The following CHST6 variants were observed in gnomAD, a reference collection of about 807,000 sequenced individuals.
CHST6 encodes the protein N-acetylglucosamine 6-O-sulfotransferase 5.
For synonymous variants in CHST6, 309 were observed against 276.4 expected, an observed-to-expected ratio of 1.12 and a Z score of -1.17; for missense variants, 698 against 586.2, an observed-to-expected ratio of 1.19 and a Z score of -1.97.
intron 1 of CHST6, among the ~76,000 whole-genome samples, chr16:75,490,023 C>T (rs554006709): frequency 7.2e-6 from 1 of 139,308 alleles, no homozygotes; most frequent in African/African-American, 2.7e-5. Context: ...CTAAAAATAC[C>T]AAAAACTAGC....
At position 75,493,512 on chromosome 16, in the gene CHST6, G is replaced by A. The variant is rs536433693; in HGVS notation, c.-92+1428C>T. Among the ~76,000 whole-genome samples the A allele has an allele frequency of 7.6e-5, 10 of 131,840 alleles. No individual in the cohort carries two copies. The South Asian group carries it at 2.1e-3, about 28-fold the overall frequency. 86.5% of individuals were successfully genotyped at this position (131,840 alleles called of 152,430 possible). Reference sequence around the variant, plus strand: ...AGCCTCGGTGACAGAGCGAGACTCCGTATCAAAAAAAAAAAAAAAAATCTG... The same window carrying A: ...AGCCTCGGTGACAGAGCGAGACTCCATATCAAAAAAAAAAAAAAAAATCTG... On this transcript the variant is annotated intron_variant, in intron 1 of 2. Coordinates refer to ENST00000332272, the MANE Select transcript of CHST6 (RefSeq NM_021615.5).
At chr16:75,491,173 AAAAAAAAAAAAAAAAAAAT>A (rs1347673906) in intron 1 of CHST6, among the ~76,000 whole-genome samples, 42 of 80,200 alleles carry the variant, frequency 5.2e-4, no homozygotes, top group South Asian at 3.2e-3. Flanking sequence ...CTTAAAAAAA[AAAAAAAAAAAAAAAAAAAT>A]ATATATATAT....
At chr16:75,493,797 C>A (rs1391333340) in intron 1 of CHST6, among the ~76,000 whole-genome samples, 1 of 151,810 alleles carries the variant, frequency 6.6e-6, no homozygotes, top group Non-Finnish European at 1.5e-5. Context: ...AGACAGGGTC[C>A]CCACAAGGGC....
rs1555501738 is a variant in CHST6 at position 75,491,190 on chromosome 16, A to AATATATATATATAT, written c.-92+3736_-92+3749dup. Among the ~76,000 whole-genome samples, 140 of 50,006 alleles carry AATATATATATATAT rather than the reference A, an allele frequency of 2.8e-3. 1 individual carries two copies. The highest frequency in any genetic ancestry group is 3.3e-3 in the Non-Finnish European group (111 of 33,312). The allele number at this position is 50,006 out of a possible 152,430, so 32.8% of individuals were successfully genotyped here. A position where few individuals can be genotyped will look rare whatever the true frequency, so the allele number is the denominator to read the frequency against. ...TAAAAAAAAAAAAAAAAAAAAAAAAAATATATATATATATATATATATATA... is the reference window on the plus strand; with the variant it reads ...TAAAAAAAAAAAAAAAAAAAAAAAAAATATATATATATATATATATATATATATATATATATATA... On this transcript the variant is annotated intron_variant, in intron 1 of 2. Transcript: ENST00000332272.
intron 2 of CHST6, 103 bp from the exon 3 acceptor site, chr16:75,479,947 G>C (rs2080121597): frequency 1.0e-6 from 1 of 961,850 alleles, no homozygotes; most frequent in Non-Finnish European, 1.5e-6. Flanking sequence ...CCAGACCCGA[G>C]CATCCCATGA....
chr16:75,481,261 G>A (rs1272400732), intron 2 of CHST6, among the ~76,000 whole-genome samples: 2 of 152,060 alleles, frequency 1.3e-5, no homozygotes, highest in African/African-American at 4.8e-5. Context: ...GGGCGATAGA[G>A]TGAGACTCTG....
In CHST6 at chr16:75,478,849, AG is replaced by A. The variant is rs1318230444; in HGVS notation, c.979del (p.Leu327SerfsTer54). ...EAFKTSSRNA[L>X]NVSQAWRHAL... ...ATGGCGCCAGGCCTGGGAGACGTTG[AG>A]CGCATTCCTGGACGAAGTCTTGAAG... On this transcript the variant is annotated frameshift_variant, in exon 3 of 3. Transcript: ENST00000332272. LOFTEE classifies it low-confidence loss of function (END_TRUNC). 1 of 1,613,460 alleles carries A rather than the reference AG, an allele frequency of 6.2e-7. No individual in the cohort carries two copies. The highest frequency in any genetic ancestry group is 1.7e-5 in the Admixed American group (1 of 60,034).
chr16:75,491,190 A>AAAAAATATATATATAT (rs1206595857), intron 1 of CHST6, among the ~76,000 whole-genome samples: 13 of 50,082 alleles, frequency 2.6e-4, no homozygotes, highest in Non-Finnish European at 3.6e-4. Context: ...AAAAAAAAAA[A>AAAAAATATATATATAT]ATATATATAT....
intron 1 of CHST6, among the ~76,000 whole-genome samples, chr16:75,482,607 C>G (rs147260547): frequency 6.6e-6 from 1 of 152,120 alleles, no homozygotes; most frequent in Non-Finnish European, 1.5e-5. Flanking sequence ...GCCAGCTTCC[C>G]GCATTCCAAG....
At chr16:75,492,781 C>T (rs1239141711) in intron 1 of CHST6, among the ~76,000 whole-genome samples, 1 of 151,964 alleles carries the variant, frequency 6.6e-6, no homozygotes, top group African/African-American at 2.4e-5. Flanking sequence ...GCCAGGAGTC[C>T]GAAGCTGCAG....
chr16:75,491,896 C>CT (rs2080260525), intron 1 of CHST6, among the ~76,000 whole-genome samples: 1 of 152,108 alleles, frequency 6.6e-6, no homozygotes, highest in African/African-American at 2.4e-5. Context: ...ATTACCCGCT[C>CT]TGCACTAAAA....
In CHST6 at chr16:75,476,165, C is replaced by A. The variant is rs1052394411; in HGVS notation, c.*2476G>T. ...CCTGGCTTGTGGTTGAAATCTTAAC[C>A]CACAATATGATGGTGTTGGGATGTG... On this transcript the variant is annotated 3_prime_UTR_variant, in exon 3 of 3. Coordinates refer to ENST00000332272, the MANE Select transcript of CHST6 (RefSeq NM_021615.5). 6.6e-6 allele frequency: 1 copy of A among 151,926 alleles called. No individual in the cohort carries two copies. Among genetic ancestry groups the A allele is most frequent in the Non-Finnish European group, 1.5e-5 (1 of 68,024 alleles). The allele number at this position is 151,926 out of a possible 1,614,324, so 9.4% of individuals were successfully genotyped here. A position where few individuals can be genotyped will look rare whatever the true frequency, so the allele number is the denominator to read the frequency against.
rs1411016379 is a variant in CHST6 at position 75,479,793 on chromosome 16, G to C, written c.36C>G (p.Thr12=). The C allele has an allele frequency of 1.9e-6, 3 of 1,579,568 alleles. No individual in the cohort carries two copies. Among genetic ancestry groups the C allele is most frequent in the Non-Finnish European group, 2.6e-6 (3 of 1,164,460 alleles). ...WLPRVSSTAV[T]ALLLAQTFLL... ...GGAAGGTCTGCGCCAGGAGGAGCGC[G>C]GTCACTGCTGTGCTGGAGACGCGCG... is the stretch of plus-strand genomic sequence containing the variant. Residue 12 remains threonine, a synonymous_variant, in exon 3 of 3, where the codon ACC becomes ACG. Transcript: ENST00000332272.
intron 1 of CHST6, among the ~76,000 whole-genome samples, chr16:75,493,708 T>C (rs2080281158): frequency 6.6e-6 from 1 of 152,142 alleles, no homozygotes; most frequent in African/African-American, 2.4e-5. Flanking sequence ...GGAAAGTCTT[T>C]GAATGAGGAA....
Position 75,474,594 on chromosome 16 carries a change from T to A in CHST6, c.*4047A>T. ...CCCAGCAAGGGTCATATATAATAAA[T>A]AGAAGTGTATTGGCTTACAGTTCTG... On this transcript the variant is annotated 3_prime_UTR_variant, in exon 3 of 3. Coordinates refer to ENST00000332272, the MANE Select transcript of CHST6 (RefSeq NM_021615.5). 2.5e-6 allele frequency: 1 copy of A among 398,628 alleles called. No homozygotes were observed. Among genetic ancestry groups the A allele is most frequent in the Non-Finnish European group, 4.4e-6 (1 of 226,174 alleles). The allele number at this position is 398,628 out of a possible 1,614,324, so 24.7% of individuals were successfully genotyped here.
At chr16:75,492,558 A>G (rs1222763935) in intron 1 of CHST6, among the ~76,000 whole-genome samples, 1 of 152,230 alleles carries the variant, frequency 6.6e-6, no homozygotes, top group Non-Finnish European at 1.5e-5. Flanking sequence ...TTATAGGAAA[A>G]TAACTCAGGG....
chr16:75,489,339 C>T (rs1422812996), intron 1 of CHST6, among the ~76,000 whole-genome samples: 1 of 140,598 alleles, frequency 7.1e-6, no homozygotes, highest in African/African-American at 2.7e-5. Flanking sequence ...GCGGAGGTTG[C>T]AGTGAGCCGA....
intron 1 of CHST6, among the ~76,000 whole-genome samples, 163 bp from the exon 2 acceptor site, chr16:75,482,054 G>T (rs191088770): frequency 6.6e-6 from 1 of 152,270 alleles, no homozygotes; most frequent in East Asian, 1.9e-4. Context: ...ATGAAGAGGG[G>T]GCCTGGGAAA....
intron 1 of CHST6, among the ~76,000 whole-genome samples, chr16:75,487,387 G>A (rs1048409521): frequency 5.9e-5 from 9 of 152,142 alleles, no homozygotes; most frequent in East Asian, 1.9e-4. Flanking sequence ...GCTCCAGGCC[G>A]GGAGTGGTGG....
Sources: allele counts gnomAD v4.1 joint callset (sites outside exome capture counted in the v4.1 genomes callset), GRCh38; gene constraint gnomAD v4.1.1; transcripts MANE v1.5; gene names NCBI Gene and HGNC (gene_info 2026-07-23, HGNC 2026-07-21).